Variants in ADAMTS2 observed in about 807,000 individuals in gnomAD.
The protein encoded by ADAMTS2 is ADAM metallopeptidase with thrombospondin type 1 motif 2, also known as A disintegrin and metalloproteinase with thrombospondin motifs 2.
ADAMTS2 carries 50 observed loss-of-function variants against 123.0 expected under a neutral mutation model. The observed-to-expected ratio is 0.41, with a 90% CI of 0.32 to 0.51. ADAMTS2 has a LOEUF of 0.51. Ranked by LOEUF, ADAMTS2 falls within the 20% of genes least tolerant of loss-of-function variation. The pLI, the probability that ADAMTS2 is intolerant of heterozygous loss-of-function variation, is 0.35. For missense variants in ADAMTS2, 1,494 were observed against 1,705.2 expected (o/e 0.88, Z 2.18); for synonymous variants, 678 against 695.4 (o/e 0.98, Z 0.39).
intron 4 of ADAMTS2, among the ~76,000 whole-genome samples, chr5:179,195,737 A>C (rs56729607): frequency 0.018 from 2,668 of 152,190 alleles, 85 homozygotes; most frequent in African/African-American, 0.06. Context: ...CGCACACACC[A>C]CTGGCCCTCA....
At chr5:179,311,890 G>A (rs1756843409) in intron 2 of ADAMTS2, among the ~76,000 whole-genome samples, 2 of 152,136 alleles carry the variant, frequency 1.3e-5, no homozygotes, top group Non-Finnish European at 1.5e-5. Flanking sequence ...AATAAAGTCC[G>A]CCTTACCGCG....
chr5:179,255,737 A>G (rs979178340), intron 3 of ADAMTS2, among the ~76,000 whole-genome samples: 1 of 152,142 alleles, frequency 6.6e-6, no homozygotes, highest in Non-Finnish European at 1.5e-5. Context: ...CATGTGGAAA[A>G]CCAATGTGCC....
At chr5:179,270,050 T>G (rs1329958397) in intron 3 of ADAMTS2, among the ~76,000 whole-genome samples, 1 of 152,106 alleles carries the variant, frequency 6.6e-6, no homozygotes, top group African/African-American at 2.4e-5. Context: ...GGGTGTTGCC[T>G]AAGCTGCCCA....
intron 2 of ADAMTS2, among the ~76,000 whole-genome samples, chr5:179,329,067 C>T (rs1050210344): frequency 2.0e-5 from 3 of 152,168 alleles, no homozygotes; most frequent in Non-Finnish European, 4.4e-5. Flanking sequence ...GTGGCTCATG[C>T]CTGCAATCCC....
chr5:179,154,768 T>C, intron 7 of ADAMTS2, 46 bp downstream of exon 7: 3 of 1,488,994 alleles, frequency 2.0e-6, no homozygotes, highest in Non-Finnish European at 2.8e-6. Context: ...GGGCTGGGGA[T>C]CCTAGGGTGG....
chr5:179,124,256 G>A (rs978918590), intron 19 of ADAMTS2, among the ~76,000 whole-genome samples: 26 of 152,302 alleles, frequency 1.7e-4, no homozygotes, highest in African/African-American at 5.3e-4. Flanking sequence ...GCCAGCGTGG[G>A]CCCTGCATGT....
chr5:179,345,353 C>G lies in ADAMTS2; in HGVS notation c.-25G>C, dbSNP rs1272479291. 1 of 1,131,068 alleles carries G rather than the reference C, an allele frequency of 8.8e-7. No individual in the cohort carries two copies. The highest frequency in any genetic ancestry group is 1.1e-6 in the Non-Finnish European group (1 of 923,506). The allele number at this position is 1,131,068 out of a possible 1,614,324, so 70.1% of individuals were successfully genotyped here. On this transcript the variant is annotated 5_prime_UTR_variant, in exon 1 of 22. Coordinates refer to ENST00000251582, the MANE Select transcript of ADAMTS2 (RefSeq NM_014244.5). The surrounding 1 kb of genome is among the most constrained non-coding windows in gnomAD (Gnocchi z 7.5). ...TGGCAGCCGGACTGCAGCCGGGGCC[C>G]CGCACTCGCAGCCGGCGCGAAAGTT...
intron 3 of ADAMTS2, among the ~76,000 whole-genome samples, chr5:179,227,819 G>A (rs1417795128): frequency 6.6e-6 from 1 of 151,110 alleles, no homozygotes; most frequent in Admixed American, 6.6e-5. Flanking sequence ...GAGGAGGGCA[G>A]AAGTGCAGAG....
At position 179,308,679 on chromosome 5, in the gene ADAMTS2, T is replaced by G. The variant is rs1265541775; in HGVS notation, c.534+35088A>C. 1.3e-5 allele frequency among the ~76,000 whole-genome samples: 2 copies of G among 152,144 alleles called. No individual in the cohort carries two copies. The highest frequency in any genetic ancestry group is 2.9e-5 in the Non-Finnish European group (2 of 68,016). On this transcript the variant is annotated intron_variant, in intron 2 of 21. Transcript: ENST00000251582. The surrounding 1 kb of genome is among the most constrained non-coding windows in gnomAD (Gnocchi z 6.6). ...AAATTCCCAAGGCCTCTCAGAGAAG[T>G]GCCTCCTTCCTAAGGTGGTGTCCCA...
rs201575172 is a variant in ADAMTS2, at chr5:179,207,757, A to G, written c.689-42T>C. ...CCGTCTTCAGCGGCAGGGCAAACCC[A>G]CCCGGACACAAACCTACCAGGCGCC... is the stretch of plus-strand genomic sequence containing the variant. On this transcript the variant is annotated intron_variant, in intron 3 of 21. Transcript: ENST00000251582. 1.3e-5 allele frequency: 20 copies of G among 1,582,680 alleles called. No individual in the cohort carries two copies. In the African/African-American group the frequency reaches 2.0e-4, roughly 16 times the overall value.
At chr5:179,195,576 G>T (rs1247664116) in intron 4 of ADAMTS2, among the ~76,000 whole-genome samples, 12 of 152,260 alleles carry the variant, frequency 7.9e-5, no homozygotes, top group Non-Finnish European at 1.6e-4. Context: ...ACAAGCGAGT[G>T]GAACCACGAG....
chr5:179,198,567 C>A (rs933757749), intron 4 of ADAMTS2, among the ~76,000 whole-genome samples: 1 of 152,228 alleles, frequency 6.6e-6, no homozygotes, highest in Non-Finnish European at 1.5e-5. Context: ...GGAGCAGTGG[C>A]TCATGCCTGT....
At chr5:179,284,199 C>T (rs933016666) in intron 2 of ADAMTS2, among the ~76,000 whole-genome samples, 14 of 150,270 alleles carry the variant, frequency 9.3e-5, no homozygotes, top group Non-Finnish European at 1.3e-4. Context: ...CTTGGTGGTA[C>T]GCGCCTGTGG....
intron 11 of ADAMTS2, among the ~76,000 whole-genome samples, chr5:179,139,395 C>T (rs539249297): frequency 8.6e-5 from 13 of 152,020 alleles, no homozygotes; most frequent in African/African-American, 2.7e-4. Context: ...GCCTGCGTGG[C>T]GGGTGGGGCT....
intron 4 of ADAMTS2, among the ~76,000 whole-genome samples, chr5:179,183,563 A>G (rs1764098487): frequency 6.6e-6 from 1 of 152,242 alleles, no homozygotes; most frequent in Non-Finnish European, 1.5e-5. Flanking sequence ...CAGCCTGCTC[A>G]GGCCTGAGAG....
chr5:179,181,499 T>A lies in ADAMTS2; in HGVS notation c.892-344A>T, dbSNP rs1480239962. On this transcript the variant is annotated intron_variant, in intron 4 of 21. Transcript: ENST00000251582. This position sits in a 1 kb window ranked among gnomAD's most constrained non-coding sequence, Gnocchi z 4.1. ...TGAAACACAACCTTCCCTTCAACAG[T>A]GAACGTGGGTGATGGACCCCCGCGG... Among the ~76,000 whole-genome samples the A allele has an allele frequency of 1.3e-5, 2 of 151,966 alleles. No homozygotes were observed. Among genetic ancestry groups the A allele is most frequent in the Non-Finnish European group, 2.9e-5 (2 of 67,978 alleles).
chr5:179,238,142 T>C (rs529595721), intron 3 of ADAMTS2, among the ~76,000 whole-genome samples: 38 of 152,354 alleles, frequency 2.5e-4, no homozygotes, highest in African/African-American at 8.9e-4. Flanking sequence ...CCATCCACTC[T>C]GGGCTCACAG....
At chr5:179,178,818 G>A (rs1167172271) in intron 5 of ADAMTS2, among the ~76,000 whole-genome samples, 1 of 152,190 alleles carries the variant, frequency 6.6e-6, no homozygotes, top group Non-Finnish European at 1.5e-5. Flanking sequence ...GCTAATGTGT[G>A]TCGAACATAT....
chr5:179,222,073 C>T (rs1308844631), intron 3 of ADAMTS2, among the ~76,000 whole-genome samples: 1 of 152,116 alleles, frequency 6.6e-6, no homozygotes, highest in African/African-American at 2.4e-5. Context: ...GCCATCCAAC[C>T]CTGCAGGGAC....
Sources: gnomAD v4.1 joint callset for allele counts (sites outside exome capture counted in the v4.1 genomes callset) on GRCh38, gnomAD v4.1.1 for gene constraint, Gnocchi (gnomAD v3.1) non-coding constraint, MANE v1.5 for transcripts, NCBI Gene and HGNC (gene_info 2026-07-23, HGNC 2026-07-21) for gene names.